The following TOX variants were observed in gnomAD, a reference collection of about 807,000 sequenced individuals.
The protein encoded by TOX is thymocyte selection associated high mobility group box.
Under a neutral mutation model 53.7 loss-of-function variants are expected in TOX, and 11 were observed. The observed-to-expected ratio is 0.20, with a 90% confidence interval of 0.13 to 0.34. TOX has a LOEUF of 0.34. Ranked by LOEUF, TOX falls within the 10% of genes least tolerant of loss-of-function variation. TOX has a pLI of 1.00. For missense variants in TOX, 570 were observed against 664.6 expected (o/e 0.86, Z 1.56); for synonymous variants, 225 against 245.3 (o/e 0.92, Z 0.77).
At chr8:58,970,956 T>C (rs1812991494) in intron 1 of TOX, among the ~76,000 whole-genome samples, 1 of 152,234 alleles carries the variant, frequency 6.6e-6, no homozygotes. Flanking sequence ...AACCAGATCC[T>C]ACTTTAGTTT....
intron 3 of TOX, among the ~76,000 whole-genome samples, chr8:58,866,544 C>A (rs985161911): frequency 1.3e-5 from 2 of 152,160 alleles, no homozygotes; most frequent in African/African-American, 4.8e-5. Flanking sequence ...TTAACCAATG[C>A]CCCCAGGCAA....
chr8:58,943,435 C>T (rs901233107), intron 2 of TOX, among the ~76,000 whole-genome samples: 2 of 152,070 alleles, frequency 1.3e-5, no homozygotes, highest in Non-Finnish European at 2.9e-5. Flanking sequence ...GTACACATGT[C>T]CACTTATTCC....
At chr8:59,000,664 G>C (rs1161561898) in intron 1 of TOX, among the ~76,000 whole-genome samples, 1 of 152,092 alleles carries the variant, frequency 6.6e-6, no homozygotes, top group Non-Finnish European at 1.5e-5. Flanking sequence ...CTTGCTCCAG[G>C]TCAGTGCTGC....
intron 1 of TOX, among the ~76,000 whole-genome samples, chr8:59,054,853 A>G (rs901075749): frequency 6.7e-6 from 1 of 150,192 alleles, no homozygotes; most frequent in African/African-American, 2.4e-5. Context: ...GAAAGAAAAA[A>G]AGAGAGAGAA....
chr8:58,845,610 A>G lies in TOX; in HGVS notation c.693+5914T>C, dbSNP rs1031705805. Among the ~76,000 whole-genome samples the G allele has an allele frequency of 2.6e-5, 4 of 152,182 alleles. No homozygotes were observed. In the South Asian group the frequency reaches 8.3e-4, roughly 31 times the overall value. The stretch of plus-strand genomic sequence containing the variant: ...AAACATCAATTATAGAAAAATGCAT[A>G]TGAAGTGCTATACTTTTGAAATGAT... On this transcript the variant is annotated intron_variant, in intron 4 of 8. Coordinates refer to ENST00000361421, the MANE Select transcript of TOX (RefSeq NM_014729.3).
At chr8:58,821,907 C>T (rs1433719619) in intron 6 of TOX, among the ~76,000 whole-genome samples, 3 of 152,096 alleles carry the variant, frequency 2.0e-5, no homozygotes, top group South Asian at 2.1e-4. Flanking sequence ...ACCTGGGATT[C>T]GAATCCAGAT....
At chr8:58,842,572 C>T (rs1477884155) in intron 4 of TOX, among the ~76,000 whole-genome samples, 1 of 152,176 alleles carries the variant, frequency 6.6e-6, no homozygotes, top group African/African-American at 2.4e-5. Context: ...AAACACTGAT[C>T]ATCATGCTTA....
At chr8:58,826,297 C>G (rs1316103075) in intron 6 of TOX, among the ~76,000 whole-genome samples, 1 of 152,128 alleles carries the variant, frequency 6.6e-6, no homozygotes, top group African/African-American at 2.4e-5. Flanking sequence ...AACATGAAAC[C>G]AATCAGTCAA....
At chr8:59,073,620 T>G (rs1233277815) in intron 1 of TOX, among the ~76,000 whole-genome samples, 1 of 152,178 alleles carries the variant, frequency 6.6e-6, no homozygotes, top group Non-Finnish European at 1.5e-5. Context: ...TAAGACATTA[T>G]CATTGGATGG....
chr8:59,110,955 AT>A (rs1328698465), intron 1 of TOX, among the ~76,000 whole-genome samples: 2 of 152,170 alleles, frequency 1.3e-5, no homozygotes, highest in Non-Finnish European at 2.9e-5. Context: ...AATTCTTTGA[AT>A]TTTTGAACAT....
At chr8:58,969,384 A>G (rs1008951470) in intron 1 of TOX, among the ~76,000 whole-genome samples, 1 of 152,166 alleles carries the variant, frequency 6.6e-6, no homozygotes, top group Non-Finnish European at 1.5e-5. Context: ...CTCTGTTTAC[A>G]TATCTTTTGC....
At chr8:58,879,530 A>T (rs1811346911) in intron 3 of TOX, among the ~76,000 whole-genome samples, 1 of 152,038 alleles carries the variant, frequency 6.6e-6, no homozygotes, top group Non-Finnish European at 1.5e-5. Context: ...ACATATTTTT[A>T]GTTATTACGT....
intron 1 of TOX, among the ~76,000 whole-genome samples, chr8:59,050,529 T>A (rs1006266843): frequency 1.3e-5 from 2 of 152,130 alleles, no homozygotes; most frequent in African/African-American, 2.4e-5. Flanking sequence ...TTTATTGAAA[T>A]TTTTTTCTAA....
At chr8:59,055,872 C>T (rs1803880153) in intron 1 of TOX, among the ~76,000 whole-genome samples, 1 of 152,136 alleles carries the variant, frequency 6.6e-6, no homozygotes, top group African/African-American at 2.4e-5. Context: ...CCTATTTGTC[C>T]CATCCTACAA....
intron 3 of TOX, among the ~76,000 whole-genome samples, chr8:58,923,514 C>G (rs919054782): frequency 2.4e-4 from 37 of 152,158 alleles, no homozygotes; most frequent in Admixed American, 2.4e-3. Context: ...ACGTCTTCTT[C>G]CCCACTTCTC....
intron 1 of TOX, among the ~76,000 whole-genome samples, chr8:59,000,887 G>T (rs776045230): frequency 4.7e-4 from 72 of 152,110 alleles, no homozygotes; most frequent in Admixed American, 1.7e-3. Flanking sequence ...AACAGTTCAA[G>T]AATTAAATTT....
intron 4 of TOX, among the ~76,000 whole-genome samples, chr8:58,843,550 A>G (rs1325697239): frequency 6.6e-6 from 1 of 152,186 alleles, no homozygotes; most frequent in Non-Finnish European, 1.5e-5. Context: ...ATAAAGGACT[A>G]GTGAATATTC....
At chr8:59,084,417 CA>C (rs1804472632) in intron 1 of TOX, among the ~76,000 whole-genome samples, 1 of 152,046 alleles carries the variant, frequency 6.6e-6, no homozygotes, top group African/African-American at 2.4e-5. Context: ...AAGTGAGAGA[CA>C]GATAACACTC....
rs139913277 is a variant in TOX at position 58,939,341 on chromosome 8, C to T, written c.372G>A (p.Leu124=). The T allele has an allele frequency of 6.2e-7, 1 of 1,613,922 alleles. No homozygotes were observed. The highest frequency in any genetic ancestry group is 8.5e-7 in the Non-Finnish European group (1 of 1,180,008). Residue 124 remains leucine, a synonymous_variant, in exon 3 of 9, where the codon CTG becomes CTA. Transcript: ENST00000361421. Reference sequence around the variant, plus strand: ...TAGAAAGCAGTGTTCCATCCTGGCCCAGCATATTGGAGACTGTGATTTCAG... The same window carrying T: ...TAGAAAGCAGTGTTCCATCCTGGCCTAGCATATTGGAGACTGTGATTTCAG... ...DLPEITVSNM[L]GQDGTLLSNS... is the part of the protein sequence containing the mutation.
Sources: gnomAD v4.1 joint callset for allele counts (sites outside exome capture counted in the v4.1 genomes callset) on GRCh38, gnomAD v4.1.1 for gene constraint, MANE v1.5 for transcripts, NCBI Gene and HGNC (gene_info 2026-07-23, HGNC 2026-07-21) for gene names.